Variants in CACHD1 observed in about 807,000 individuals in gnomAD.
CACHD1 encodes the protein cache domain containing 1.
Under a neutral mutation model 138.7 loss-of-function variants are expected in CACHD1, and 71 were observed. The observed-to-expected ratio is 0.51, with a 90% CI of 0.42 to 0.62. CACHD1 has a LOEUF of 0.62. Among genes scored for constraint, CACHD1 ranks in the 20% least tolerant of loss-of-function variants. The probability of loss-of-function intolerance (pLI) is 0.00; values close to 1 mark genes in which losing one functional copy is unlikely to be tolerated. For synonymous variants in CACHD1, 578 were observed against 591.5 expected (o/e 0.98, Z 0.33); for missense variants, 1,389 against 1,625.3 (o/e 0.85, Z 2.50).
intron 1 of CACHD1, among the ~76,000 whole-genome samples, chr1:64,484,150 G>A (rs1369871454): frequency 6.6e-6 from 1 of 151,952 alleles, no homozygotes; most frequent in Non-Finnish European, 1.5e-5. Flanking sequence ...ATCATTATTG[G>A]ACAAGGGTTA....
At chr1:64,653,386 T>TAAAA (rs60661882) in intron 10 of CACHD1, among the ~76,000 whole-genome samples, 9 of 108,472 alleles carry the variant, frequency 8.3e-5, no homozygotes, top group African/African-American at 1.2e-4. Flanking sequence ...TAAAAGAAGT[T>TAAAA]AAAAAAAAAA....
chr1:64,632,941 G>A (rs751021983), intron 6 of CACHD1, among the ~76,000 whole-genome samples, 198 bp downstream of exon 6: 8 of 152,120 alleles, frequency 5.3e-5, no homozygotes, highest in South Asian at 2.1e-4. Flanking sequence ...TTAAACAGTC[G>A]GAACACCTAG....
chr1:64,675,472 C>A lies in CACHD1; in HGVS notation c.2799C>A (p.Asn933Lys). Residue 933 changes from asparagine (N) to lysine (K), a missense_variant, in exon 20 of 27, where the codon AAC becomes AAA. Around this residue, in one of 5 missense-constraint regions of CACHD1, gnomAD observed 50 missense variants for 108.2 expected, o/e 0.46. Transcript: ENST00000651257. ...KYRLARIPGT[N>K]AFVGIVNETC... ...GATTAGCAAGGATCCCAGGAACCAA[C>A]GCGTTTGTTGGCATTGTCAACGAAA... The A allele has an allele frequency of 6.2e-7, 1 of 1,613,780 alleles. No homozygotes were observed. The highest frequency in any genetic ancestry group is 8.5e-7 in the Non-Finnish European group (1 of 1,179,712).
chr1:64,661,688 G>A (rs1159166515), intron 13 of CACHD1, among the ~76,000 whole-genome samples: 1 of 152,138 alleles, frequency 6.6e-6, no homozygotes, highest in Non-Finnish European at 1.5e-5. Context: ...TGGAGGGCCT[G>A]CAAAAGAATA....
At chr1:64,666,269 A>T in intron 16 of CACHD1, 102 bp downstream of exon 16, 1 of 648,864 alleles carries the variant, frequency 1.5e-6, no homozygotes, top group Non-Finnish European at 2.6e-6. Flanking sequence ...AGGCAGAAGC[A>T]TGACCTTTAA....
chr1:64,509,257 T>G (rs1646400668), intron 1 of CACHD1, among the ~76,000 whole-genome samples: 1 of 152,194 alleles, frequency 6.6e-6, no homozygotes, highest in South Asian at 2.1e-4. Context: ...TTCATGCCTG[T>G]GTTACCCGCC....
At chr1:64,644,656 C>T (rs1055899292) in intron 8 of CACHD1, among the ~76,000 whole-genome samples, 68 of 152,246 alleles carry the variant, frequency 4.5e-4, no homozygotes, top group African/African-American at 1.5e-3. Context: ...TAACCAGACA[C>T]ACATCCTCAC....
chr1:64,682,311 G>A (rs1190437345), intron 26 of CACHD1, among the ~76,000 whole-genome samples: 1 of 152,192 alleles, frequency 6.6e-6, no homozygotes. Flanking sequence ...CCATACAGAA[G>A]GATTCATATT....
At chr1:64,482,914 G>A (rs1367572236) in intron 1 of CACHD1, among the ~76,000 whole-genome samples, 1 of 152,166 alleles carries the variant, frequency 6.6e-6, no homozygotes. Flanking sequence ...CGTAGTCCTG[G>A]TATGGTTACC....
At chr1:64,492,492 G>A in intron 1 of CACHD1, among the ~76,000 whole-genome samples, 1 of 150,354 alleles carries the variant, frequency 6.7e-6, no homozygotes, top group Admixed American at 6.7e-5. Context: ...AATGGCTCCT[G>A]GCTTCAGATC....
chr1:64,500,933 C>T (rs752325285), intron 1 of CACHD1, among the ~76,000 whole-genome samples: 12 of 151,560 alleles, frequency 7.9e-5, no homozygotes, highest in Non-Finnish European at 1.8e-4. Flanking sequence ...CCTATAATCC[C>T]AGGTACTTGG....
chr1:64,637,085 G>A (rs1233179702), intron 7 of CACHD1, among the ~76,000 whole-genome samples: 1 of 152,126 alleles, frequency 6.6e-6, no homozygotes, highest in Non-Finnish European at 1.5e-5. Flanking sequence ...AAGGCAGATT[G>A]GCCTGTTTGT....
intron 2 of CACHD1, among the ~76,000 whole-genome samples, chr1:64,563,352 A>C (rs1300250079): frequency 6.6e-6 from 1 of 151,948 alleles, no homozygotes; most frequent in Non-Finnish European, 1.5e-5. Flanking sequence ...TAATACTCCA[A>C]ATAATTATTT....
At position 64,652,204 on chromosome 1, in the gene CACHD1, A is replaced by G. The variant is rs1408416585; in HGVS notation, c.1434A>G (p.Leu478=). Residue 478 remains leucine (L), a synonymous_variant, in exon 10 of 27, where the codon CTA becomes CTG. Coordinates refer to ENST00000651257, the MANE Select transcript of CACHD1 (RefSeq NM_020925.4). ...TVSKPCYFGN[L]LLGIVGVDVN... ...GTAAACCCTGTTATTTTGGAAACCT[A>G]CTTCTGGGAATTGTAGGTGTGGACG... is the stretch of plus-strand genomic sequence containing the variant. 5 of 1,613,346 alleles carry G rather than the reference A, an allele frequency of 3.1e-6. No homozygotes were observed. The highest frequency in any genetic ancestry group is 2.2e-5 in the East Asian group (1 of 44,868).
chr1:64,522,153 T>C (rs1293446440), intron 1 of CACHD1, among the ~76,000 whole-genome samples: 1 of 152,152 alleles, frequency 6.6e-6, no homozygotes, highest in East Asian at 1.9e-4. Flanking sequence ...GGGTCCAACT[T>C]TATTCTTTTA....
At chr1:64,634,016 T>TG (rs5774714) in intron 6 of CACHD1, 28 bp from the exon 7 acceptor site, 13 of 1,423,202 alleles carry the variant, frequency 9.1e-6, no homozygotes, top group Middle Eastern at 1.9e-4. Context: ...ACAAGTTTGG[T>TG]GGTTTTTTTT....
Position 64,682,550 on chromosome 1 carries a change from CAACAT to C in CACHD1, c.3586+445_3586+449del, listed in dbSNP as rs1370398162. Among the ~76,000 whole-genome samples the C allele has an allele frequency of 2.0e-5, 3 of 152,108 alleles. No individual in the cohort carries two copies. In the East Asian group the frequency reaches 5.8e-4, roughly 29 times the overall value. ...AAGGCTTCACCAAAGAAGCAAGAAG[CAACAT>C]TTGCACTGAGCCTTGAGGGGGTGAT... On this transcript the variant is annotated intron_variant, in intron 26 of 26. Coordinates refer to ENST00000651257, the MANE Select transcript of CACHD1 (RefSeq NM_020925.4).
At chr1:64,681,853 C>A in intron 25 of CACHD1, 152 bp from the exon 26 acceptor site, 1 of 666,416 alleles carries the variant, frequency 1.5e-6, no homozygotes, top group Non-Finnish European at 2.6e-6. Context: ...AAATCAGCAC[C>A]CCAATCCCCA....
intron 4 of CACHD1, among the ~76,000 whole-genome samples, chr1:64,606,392 T>C (rs987360395): frequency 6.6e-6 from 1 of 152,000 alleles, no homozygotes; most frequent in African/African-American, 2.4e-5. Context: ...TTGAATTGAG[T>C]GACTGTTTGG....
Sources: allele counts gnomAD v4.1 joint callset (sites outside exome capture counted in the v4.1 genomes callset), GRCh38; gene constraint gnomAD v4.1.1; regional missense constraint gnomAD v4.1.1; transcripts MANE v1.5; gene names NCBI Gene and HGNC (gene_info 2026-07-23, HGNC 2026-07-21).